Variants in PCDHGA5 observed in about 807,000 individuals in gnomAD.
PCDHGA5 encodes the protein protocadherin gamma subfamily A, 5.
Under a neutral mutation model 56.7 loss-of-function variants are expected in PCDHGA5, and 36 were observed. That is an observed-to-expected ratio of 0.64 (90% confidence interval 0.49 to 0.84). PCDHGA5 has a LOEUF of 0.84. Among genes scored for constraint, PCDHGA5 ranks in the 40% least tolerant of loss-of-function variants. PCDHGA5 has a pLI of 0.00. For missense variants in PCDHGA5, 1,305 were observed against 1,201.5 expected (o/e 1.09, Z -1.27); for synonymous variants, 563 against 520.2 (o/e 1.08, Z -1.12).
At chr5:141,409,122 T>G (rs1276365021) in intron 1 of PCDHGA5, 1 of 1,614,026 alleles carries the variant, frequency 6.2e-7, no homozygotes, top group South Asian at 1.1e-5. Context: ...AACCAGTCAT[T>G]TGATTTTGAA....
chr5:141,381,758 A>C (rs1777407424), intron 1 of PCDHGA5, among the ~76,000 whole-genome samples: 1 of 151,374 alleles, frequency 6.6e-6, no homozygotes. Context: ...TTGTTCTACT[A>C]CTATATAATC....
At chr5:141,386,206 G>A (rs931130731) in intron 1 of PCDHGA5, among the ~76,000 whole-genome samples, 2 of 152,116 alleles carry the variant, frequency 1.3e-5, no homozygotes, top group East Asian at 3.9e-4. Context: ...ACCAGTAGTT[G>A]ATTTTATTTA....
At position 141,485,681 on chromosome 5, in the gene PCDHGA5, T is replaced by A; in HGVS notation, c.2422-9126T>A. The A allele has an allele frequency of 6.2e-7, 1 of 1,614,074 alleles. No homozygotes were observed. The highest frequency in any genetic ancestry group is 8.5e-7 in the Non-Finnish European group (1 of 1,179,966). ...TGTGGGGAGCAATTCGATTAGCAGC[T>A]ATAGGCTGAGCTCCAATGAACACTT... On this transcript the variant is annotated intron_variant, in intron 1 of 3. Transcript: ENST00000518069. The surrounding 1 kb of genome is among the most constrained non-coding windows in gnomAD (Gnocchi z 5.7).
At position 141,510,993 on chromosome 5, in the gene PCDHGA5, G is replaced by A. The variant is rs1457918073; in HGVS notation, c.2616G>A (p.Met872Ile). The A allele has an allele frequency of 4.3e-6, 7 of 1,614,046 alleles. No homozygotes were observed. Among genetic ancestry groups the A allele is most frequent in the African/African-American group, 1.3e-5 (1 of 74,906 alleles). ...CCCTGGGAGGGGGTGCCGGCACCAT[G>A]GGATTGAGCGCCCGCTACGGACCCC... ...SSTLGGGAGT[M>I]GLSARYGPQF... The change falls in exon 4 of 4, where the codon ATG (methionine) becomes ATA (isoleucine). Residue 872 changes from methionine to isoleucine, a missense_variant. Transcript: ENST00000518069.
chr5:141,365,464 A>G lies in PCDHGA5; in HGVS notation c.1134A>G (p.Glu378=). ...GCGTACATGATGGTGATTCTGGAGAAAATGGTGAGATTGCATGCTCTATTC... is the reference window on the plus strand; with the variant it reads ...GCGTACATGATGGTGATTCTGGAGAGAATGGTGAGATTGCATGCTCTATTC... ...LFSVHDGDSG[E]NGEIACSIPR... The change falls in exon 1 of 4, where the codon GAA becomes GAG. Residue 378 remains glutamate, a synonymous_variant. Transcript: ENST00000518069. 3 of 1,614,072 alleles carry G rather than the reference A, an allele frequency of 1.9e-6. No individual in the cohort carries two copies. Among genetic ancestry groups the G allele is most frequent in the Non-Finnish European group, 2.5e-6 (3 of 1,179,918 alleles).
chr5:141,375,300 C>A lies in PCDHGA5; in HGVS notation c.2421+8549C>A, dbSNP rs374837091. On this transcript the variant is annotated intron_variant, in intron 1 of 3. Transcript: ENST00000518069. ...GTTGGCAATTATTATCGATTAGTGA[C>A]AAATGCAGCTCTAGACCGGGAAGAG... 1.3e-5 allele frequency: 21 copies of A among 1,613,664 alleles called. No homozygotes were observed. In the African/African-American group the frequency reaches 2.1e-4, roughly 16 times the overall value.
chr5:141,431,376 CT>C lies in PCDHGA5; in HGVS notation c.2422-63430del. The C allele has an allele frequency of 1.2e-6, 2 of 1,613,436 alleles. No individual in the cohort carries two copies. The highest frequency in any genetic ancestry group is 1.7e-6 in the Non-Finnish European group (2 of 1,179,562). On this transcript the variant is annotated intron_variant, in intron 1 of 3. Transcript: ENST00000518069. This position sits in a 1 kb window ranked among gnomAD's most constrained non-coding sequence, Gnocchi z 4.8. ...CGCGCCCTGGACCGCGAAGAAAAGG[CT>C]GCTCACCACCTGGTCCTTACGGCCT...
At chr5:141,371,952 T>A in intron 1 of PCDHGA5, 1 of 1,613,260 alleles carries the variant, frequency 6.2e-7, no homozygotes. Flanking sequence ...GCAGCGAGCC[T>A]TCGACCACGA....
rs373424450 is a variant in PCDHGA5, at chr5:141,450,829, AT to A, written c.2422-43965del. 1.1e-3 allele frequency among the ~76,000 whole-genome samples: 154 copies of A among 135,102 alleles called. 1 individual carries two copies. Among genetic ancestry groups the A allele is most frequent in the South Asian group, 8.9e-3 (38 of 4,254 alleles). 88.6% of individuals were successfully genotyped at this position (135,102 alleles called of 152,430 possible). ...TTATTTATTTAATATTATTATTATTATTTTTTTTTTTTTGAGATGGGGTCTT... is the reference window on the plus strand; with the variant it reads ...TTATTTATTTAATATTATTATTATTATTTTTTTTTTTTGAGATGGGGTCTT... On this transcript the variant is annotated intron_variant, in intron 1 of 3. Transcript: ENST00000518069.
rs200072718 is a variant in PCDHGA5 at position 141,389,516 on chromosome 5, G to C, written c.2421+22765G>C. 4,499 of 1,613,168 alleles carry C rather than the reference G, an allele frequency of 2.8e-3. 16 individuals are homozygous for C. Among genetic ancestry groups the C allele is most frequent in the Non-Finnish European group, 3.4e-3 (4,037 of 1,179,766 alleles). The stretch of plus-strand genomic sequence containing the variant: ...GCTCGCCAGCGCTCAGCGCGAACGT[G>C]AGCCTGCGCGTGTTAGTGGACGACC... On this transcript the variant is annotated intron_variant, in intron 1 of 3. Coordinates refer to ENST00000518069, the MANE Select transcript of PCDHGA5 (RefSeq NM_018918.3).
chr5:141,403,049 T>C (rs368917303), intron 1 of PCDHGA5: 2 of 1,613,938 alleles, frequency 1.2e-6, no homozygotes, highest in Non-Finnish European at 1.7e-6. Flanking sequence ...TCAGATTCGC[T>C]ACTCAGTGCC....
At chr5:141,505,579 G>A (rs1047837546) in intron 3 of PCDHGA5, 98 bp downstream of exon 3, 6 of 1,588,858 alleles carry the variant, frequency 3.8e-6, no homozygotes, top group Non-Finnish European at 4.3e-6. Flanking sequence ...TCAAACCTGT[G>A]TAGTTTCTCC....
chr5:141,404,164 G>A, intron 1 of PCDHGA5: 2 of 1,613,126 alleles, frequency 1.2e-6, no homozygotes, highest in South Asian at 2.2e-5. Context: ...ATTACAGATT[G>A]TTGACGGCCC....
rs770623588 is a variant in PCDHGA5, at chr5:141,410,424, C to A, written c.2421+43673C>A. ...GTCAAGTCTGGACCTGTAGTTCCCC[C>A]CAACTACAGTGAGGGGACTTTGCCT... is the stretch of plus-strand genomic sequence containing the variant. On this transcript the variant is annotated intron_variant, in intron 1 of 3. Transcript: ENST00000518069. The A allele has an allele frequency of 1.1e-5, 17 of 1,613,852 alleles. No homozygotes were observed. In the East Asian group the frequency reaches 3.6e-4, roughly 34 times the overall value.
intron 1 of PCDHGA5, chr5:141,415,268 T>C: frequency 6.2e-7 from 1 of 1,614,174 alleles, no homozygotes; most frequent in Non-Finnish European, 8.5e-7. Flanking sequence ...CTGTACCTGG[T>C]GGTAGCGGTG....
At chr5:141,451,832 G>A (rs1190124133) in intron 1 of PCDHGA5, among the ~76,000 whole-genome samples, 1 of 150,948 alleles carries the variant, frequency 6.6e-6, no homozygotes, top group Non-Finnish European at 1.5e-5. Context: ...AGTGAGCCGA[G>A]ATCACACCAC....
At position 141,486,364 on chromosome 5, in the gene PCDHGA5, C is replaced by T; in HGVS notation, c.2422-8443C>T. 1 of 1,614,068 alleles carries T rather than the reference C, an allele frequency of 6.2e-7. No homozygotes were observed. The highest frequency in any genetic ancestry group is 1.1e-5 in the South Asian group (1 of 91,074). On this transcript the variant is annotated intron_variant, in intron 1 of 3. Transcript: ENST00000518069. The surrounding 1 kb of genome is among the most constrained non-coding windows in gnomAD (Gnocchi z 5.0). ...TTCCTGACCACTTGCCATTTGCCCT[C>T]AAGTCTGCCTTCAGGAACCAGTTCT...
At chr5:141,480,167 G>C (rs752444894) in intron 1 of PCDHGA5, among the ~76,000 whole-genome samples, 3 of 151,964 alleles carry the variant, frequency 2.0e-5, no homozygotes, top group Non-Finnish European at 2.9e-5. Flanking sequence ...ATTTTGGGAG[G>C]CTGAGGCAGG....
At chr5:141,456,695 T>C (rs1264543968) in intron 1 of PCDHGA5, among the ~76,000 whole-genome samples, 2 of 152,136 alleles carry the variant, frequency 1.3e-5, no homozygotes, top group Non-Finnish European at 2.9e-5. Flanking sequence ...CCAGGCGTGG[T>C]GGCTCGCGCC....
Sources: gnomAD v4.1 joint callset for allele counts (sites outside exome capture counted in the v4.1 genomes callset) on GRCh38, gnomAD v4.1.1 for gene constraint, Gnocchi (gnomAD v3.1) non-coding constraint, MANE v1.5 for transcripts, NCBI Gene and HGNC (gene_info 2026-07-23, HGNC 2026-07-21) for gene names.